The following RIMS2 variants were observed in gnomAD, a reference collection of about 807,000 sequenced individuals.
RIMS2 encodes the protein regulating synaptic membrane exocytosis protein 2.
In RIMS2, 59 loss-of-function variants were observed where a neutral mutation model predicts 174.4. That is an observed-to-expected ratio of 0.34 (90% CI 0.27 to 0.42). The LOEUF is 0.42. RIMS2 is among the 10% of genes least tolerant of loss of function. The pLI, the probability that RIMS2 is intolerant of heterozygous loss-of-function variation, is 1.00. For synonymous variants in RIMS2, 606 were observed against 572.5 expected (o/e 1.06, Z -0.84); for missense variants, 1,620 against 1,666.3 (o/e 0.97, Z 0.48).
intron 19 of RIMS2, among the ~76,000 whole-genome samples, chr8:104,029,298 T>A (rs897226993): frequency 6.6e-6 from 1 of 152,148 alleles, no homozygotes; most frequent in African/African-American, 2.4e-5. Flanking sequence ...TTAGAATGCC[T>A]AACATCCTGG....
intron 19 of RIMS2, among the ~76,000 whole-genome samples, chr8:104,092,593 T>C (rs879284047): frequency 2.7e-4 from 41 of 151,722 alleles, no homozygotes; most frequent in Non-Finnish European, 5.5e-4. Flanking sequence ...AAAAAAGATA[T>C]TATTATCCAT....
chr8:103,640,290 C>T (rs534214147), intron 1 of RIMS2, among the ~76,000 whole-genome samples: 3 of 151,730 alleles, frequency 2.0e-5, no homozygotes, highest in South Asian at 2.1e-4. Context: ...CCTTGATTAG[C>T]CTAGCTAGGA....
chr8:103,917,729 T>C (rs896300617), intron 8 of RIMS2, among the ~76,000 whole-genome samples: 1 of 152,128 alleles, frequency 6.6e-6, no homozygotes, highest in Non-Finnish European at 1.5e-5. Flanking sequence ...TACTACATTT[T>C]AAAAGTTTCC....
intron 1 of RIMS2, among the ~76,000 whole-genome samples, chr8:103,563,552 C>T (rs1371398216): frequency 6.6e-6 from 1 of 152,182 alleles, no homozygotes; most frequent in Non-Finnish European, 1.5e-5. Flanking sequence ...CAACAAGTCA[C>T]TAGGGAGTTC....
At chr8:103,757,541 T>C (rs1408912310) in intron 2 of RIMS2, among the ~76,000 whole-genome samples, 1 of 152,150 alleles carries the variant, frequency 6.6e-6, no homozygotes, top group African/African-American at 2.4e-5. Context: ...TATTGGGCTA[T>C]AATTTTACTT....
chr8:103,747,931 T>C (rs1052773225), intron 2 of RIMS2, among the ~76,000 whole-genome samples: 1 of 152,188 alleles, frequency 6.6e-6, no homozygotes, highest in Non-Finnish European at 1.5e-5. Flanking sequence ...TATCTTAGAA[T>C]AGTAAATCCT....
intron 19 of RIMS2, among the ~76,000 whole-genome samples, chr8:104,082,615 G>A (rs2097444714): frequency 6.6e-6 from 1 of 152,034 alleles, no homozygotes; most frequent in Admixed American, 6.6e-5. Flanking sequence ...TGTAAAAGTT[G>A]GCTGGGACAA....
chr8:103,914,493 A>G (rs1453942237), intron 6 of RIMS2, among the ~76,000 whole-genome samples: 1 of 152,210 alleles, frequency 6.6e-6, no homozygotes, highest in Non-Finnish European at 1.5e-5. Context: ...AGCCAGTATA[A>G]TTAATTATTA....
intron 19 of RIMS2, among the ~76,000 whole-genome samples, chr8:104,140,982 T>C (rs1040782326): frequency 6.6e-6 from 1 of 152,224 alleles, no homozygotes; most frequent in African/African-American, 2.4e-5. Context: ...TCATAATTTT[T>C]GGGTACATTT....
chr8:103,761,093 C>A (rs748636604), intron 2 of RIMS2, among the ~76,000 whole-genome samples: 1 of 152,160 alleles, frequency 6.6e-6, no homozygotes, highest in Non-Finnish European at 1.5e-5. Flanking sequence ...TTAGAAAAAT[C>A]TCTGACTTTT....
At chr8:103,935,528 C>T (rs2081045422) in intron 12 of RIMS2, among the ~76,000 whole-genome samples, 1 of 152,292 alleles carries the variant, frequency 6.6e-6, no homozygotes, top group South Asian at 2.1e-4. Flanking sequence ...GTTCTCTCTC[C>T]TCCCTGTTTC....
chr8:104,211,195 G>A (rs553683248), intron 19 of RIMS2, among the ~76,000 whole-genome samples: 1 of 152,290 alleles, frequency 6.6e-6, no homozygotes, highest in South Asian at 2.1e-4. Flanking sequence ...GAGTCGAGTA[G>A]GGGTGGGAAG....
intron 1 of RIMS2, among the ~76,000 whole-genome samples, chr8:103,546,246 A>G (rs112071633): frequency 0.012 from 1,767 of 152,314 alleles, 32 homozygotes; most frequent in African/African-American, 0.039. Flanking sequence ...ATTTCAGACA[A>G]AACAGACTTT....
intron 1 of RIMS2, among the ~76,000 whole-genome samples, chr8:103,624,719 T>C (rs953535715): frequency 2.0e-5 from 3 of 152,332 alleles, no homozygotes; most frequent in South Asian, 4.1e-4. Flanking sequence ...CAGGCACTAT[T>C]CTAAGTATTT....
chr8:104,242,478 CAAG>C (rs1444688789), intron 19 of RIMS2, among the ~76,000 whole-genome samples: 1 of 152,142 alleles, frequency 6.6e-6, no homozygotes, highest in African/African-American at 2.4e-5. Flanking sequence ...CTTTCCCAAA[CAAG>C]AAGTTCAAGT....
chr8:103,976,600 T>G (rs2093460362), intron 16 of RIMS2: 1 of 146,686 alleles, frequency 6.8e-6, no homozygotes, highest in Non-Finnish European at 1.5e-5. Flanking sequence ...CAGGCTGGAG[T>G]GCAGTGGTGC....
chr8:104,201,302 A>G (rs980934336), intron 19 of RIMS2, among the ~76,000 whole-genome samples: 3 of 152,214 alleles, frequency 2.0e-5, no homozygotes, highest in Non-Finnish European at 4.4e-5. Context: ...ATTGCTGCAT[A>G]GAATTCAGGG....
intron 21 of RIMS2, 120 bp downstream of exon 27, chr8:104,248,933 A>T (rs866845212): frequency 1.5e-3 from 709 of 486,222 alleles, no homozygotes; most frequent in African/African-American, 3.8e-3. Context: ...CTCTCCCTCT[A>T]TTTTTTTTTT....
chr8:103,967,707 C>A (rs1413333816), intron 15 of RIMS2, among the ~76,000 whole-genome samples: 1 of 152,122 alleles, frequency 6.6e-6, no homozygotes, highest in African/African-American at 2.4e-5. Context: ...TTGATACTCT[C>A]TTGTTAGATG....
Sources: gnomAD v4.1 joint callset for allele counts (sites outside exome capture counted in the v4.1 genomes callset) on GRCh38, gnomAD v4.1.1 for gene constraint, MANE v1.5 for transcripts, NCBI Gene and HGNC (gene_info 2026-07-23, HGNC 2026-07-21) for gene names.